DMC1: variants seen among roughly 807,000 people sequenced by gnomAD.
The protein encoded by DMC1 is DNA meiotic recombinase 1, also known as meiotic recombination protein DMC1 homolog.
A neutral mutation model predicts 50.1 loss-of-function variants in DMC1; 27 were observed. The ratio of observed to expected loss-of-function variants is 0.54; its 90% CI spans 0.40 to 0.74. The LOEUF is 0.74. Ranked by LOEUF, DMC1 falls within the 30% of genes least tolerant of loss-of-function variation. The probability of loss-of-function intolerance (pLI) is 0.00; values close to 1 mark genes in which losing one functional copy is unlikely to be tolerated. For missense variants in DMC1, 295 were observed against 420.2 expected (o/e 0.70, Z 2.60); for synonymous variants, 148 against 136.1 (o/e 1.09, Z -0.61).
the DMC1 span, among the ~76,000 whole-genome samples, chr22:38,512,175 A>C: frequency 6.6e-6 from 1 of 152,110 alleles, no homozygotes; most frequent in Non-Finnish European, 1.5e-5. Context: ...AGATTTCACC[A>C]GGTTGGCCAG....
Position 38,520,013 on chromosome 22 carries a change from T to C in DMC1, c.*7A>G. Reference sequence around the variant, plus strand: ...GCACTAAGAAGCAATTTGCATCAATTCACCACCTACTCCTTGGCATCCCCA... The same window carrying C: ...GCACTAAGAAGCAATTTGCATCAATCCACCACCTACTCCTTGGCATCCCCA... On this transcript the variant is annotated 3_prime_UTR_variant, in exon 14 of 14. Coordinates refer to ENST00000216024, the MANE Select transcript of DMC1 (RefSeq NM_007068.4). The C allele has an allele frequency of 6.2e-7, 1 of 1,613,116 alleles. No homozygotes were observed. The highest frequency in any genetic ancestry group is 1.3e-5 in the African/African-American group (1 of 75,032).
chr22:38,540,727 C>A (rs1386462455), intron 8 of DMC1, among the ~76,000 whole-genome samples: 3 of 152,120 alleles, frequency 2.0e-5, no homozygotes, highest in Non-Finnish European at 4.4e-5. Flanking sequence ...CAAAAATCTT[C>A]CATTGTTATT....
At chr22:38,565,164 A>T (rs1313360072) in intron 4 of DMC1, among the ~76,000 whole-genome samples, 2 of 152,236 alleles carry the variant, frequency 1.3e-5, no homozygotes, top group African/African-American at 4.8e-5. Flanking sequence ...TCTACATAAA[A>T]GCTTGGGTCA....
intron 5 of DMC1, among the ~76,000 whole-genome samples, chr22:38,559,155 G>A (rs552662331): frequency 3.9e-5 from 6 of 151,936 alleles, no homozygotes; most frequent in Non-Finnish European, 8.8e-5. Context: ...TCAGCCTCCC[G>A]AGTAGCTGTG....
At chr22:38,552,601 A>G in intron 7 of DMC1, 65 bp downstream of exon 7, 1 of 1,107,854 alleles carries the variant, frequency 9.0e-7, no homozygotes. Flanking sequence ...AGTATCAGGC[A>G]CATAGTAGAT....
At chr22:38,541,319 T>C (rs2090278429) in intron 8 of DMC1, among the ~76,000 whole-genome samples, 2 of 152,212 alleles carry the variant, frequency 1.3e-5, no homozygotes, top group Admixed American at 1.3e-4. Flanking sequence ...TGAGATGGAG[T>C]CTCACTCTGT....
At chr22:38,555,208 C>G (rs2090456932) in intron 6 of DMC1, 149 bp downstream of exon 6, 1 of 593,652 alleles carries the variant, frequency 1.7e-6, no homozygotes, top group Non-Finnish European at 3.0e-6. Flanking sequence ...AGAATGATCT[C>G]ATGTTATGAT....
intron 12 of DMC1, among the ~76,000 whole-genome samples, chr22:38,525,698 T>C (rs1032100270): frequency 6.6e-6 from 1 of 152,208 alleles, no homozygotes; most frequent in East Asian, 1.9e-4. Flanking sequence ...CCCAGCCCTT[T>C]GGGAGGCTGC....
At chr22:38,510,423 C>G in the DMC1 span, among the ~76,000 whole-genome samples, 1 of 152,128 alleles carries the variant, frequency 6.6e-6, no homozygotes, top group South Asian at 2.1e-4. Context: ...CCATTGCACT[C>G]CAACCTGAGC....
intron 5 of DMC1, among the ~76,000 whole-genome samples, chr22:38,556,543 CAGTT>C (rs1338640287): frequency 6.6e-6 from 1 of 152,166 alleles, no homozygotes; most frequent in Non-Finnish European, 1.5e-5. Context: ...GTAATGCTAG[CAGTT>C]AGAAGAGTAA....
At chr22:38,535,372 G>A (rs550262610) in intron 12 of DMC1, among the ~76,000 whole-genome samples, 17 of 151,424 alleles carry the variant, frequency 1.1e-4, no homozygotes, top group African/African-American at 3.6e-4. Flanking sequence ...ATATGAGAAT[G>A]TGTGTATGTG....
chr22:38,542,992 G>T (rs114361460), intron 8 of DMC1, among the ~76,000 whole-genome samples: 1,564 of 152,200 alleles, frequency 0.01, 35 homozygotes, highest in African/African-American at 0.036. Flanking sequence ...GGGAAAATGG[G>T]ATATCCATAA....
chr22:38,563,301 T>A (rs1426538450), intron 4 of DMC1, among the ~76,000 whole-genome samples: 1 of 152,136 alleles, frequency 6.6e-6, no homozygotes, highest in Non-Finnish European at 1.5e-5. Flanking sequence ...CCCAATGTAG[T>A]CTAATGGGTG....
intron 8 of DMC1, among the ~76,000 whole-genome samples, chr22:38,548,158 C>T (rs1342079335): frequency 6.6e-6 from 1 of 152,200 alleles, no homozygotes. Context: ...TCTCTTCTCT[C>T]TCTATAAGTT....
chr22:38,513,276 C>T, the DMC1 span, among the ~76,000 whole-genome samples: 1 of 152,212 alleles, frequency 6.6e-6, no homozygotes, highest in Non-Finnish European at 1.5e-5. Context: ...GCTGTCACTG[C>T]AGGTGTGAGC....
chr22:38,568,340 T>G (rs113111135), intron 1 of DMC1, 51 bp from the exon 2 acceptor site: 3 of 1,361,214 alleles, frequency 2.2e-6, no homozygotes, highest in Non-Finnish European at 3.1e-6. Context: ...TCCAGGGGCC[T>G]CTGATTTCAT....
At chr22:38,530,624 C>A (rs2090142743) in intron 12 of DMC1, among the ~76,000 whole-genome samples, 1 of 152,068 alleles carries the variant, frequency 6.6e-6, no homozygotes, top group Non-Finnish European at 1.5e-5. Flanking sequence ...GGTAAGTAAT[C>A]AATAAACATA....
the DMC1 span, among the ~76,000 whole-genome samples, chr22:38,513,908 G>C: frequency 6.6e-6 from 1 of 152,202 alleles, no homozygotes; most frequent in Admixed American, 6.6e-5. Flanking sequence ...TTCCTAGTGA[G>C]TTTTCTAACT....
chr22:38,563,032 G>T (rs922538061), intron 4 of DMC1, among the ~76,000 whole-genome samples: 2 of 152,126 alleles, frequency 1.3e-5, no homozygotes, highest in Non-Finnish European at 2.9e-5. Flanking sequence ...GCCTCCCAAA[G>T]TGCTGGGATT....
Sources: gnomAD v4.1 joint callset for allele counts (sites outside exome capture counted in the v4.1 genomes callset) on GRCh38, gnomAD v4.1.1 for gene constraint, MANE v1.5 for transcripts, NCBI Gene and HGNC (gene_info 2026-07-23, HGNC 2026-07-21) for gene names.